The following SLC6A2 variants were observed in gnomAD, a reference collection of about 807,000 sequenced individuals.
The protein encoded by SLC6A2 is sodium-dependent noradrenaline transporter.
A neutral mutation model predicts 71.7 loss-of-function variants in SLC6A2; 26 were observed. The observed-to-expected ratio is 0.36, with a 90% CI of 0.27 to 0.50. SLC6A2 has a LOEUF of 0.50. Among genes scored for constraint, SLC6A2 ranks in the 20% least tolerant of loss-of-function variants. The pLI is 0.96. For synonymous variants in SLC6A2, 363 were observed against 337.9 expected, an observed-to-expected ratio of 1.07 and a Z score of -0.82; for missense variants, 581 against 803.9, an observed-to-expected ratio of 0.72 and a Z score of 3.35.
chr16:55,672,726 G>A (rs115719063), intron 4 of SLC6A2, among the ~76,000 whole-genome samples: 23 of 152,316 alleles, frequency 1.5e-4, no homozygotes, highest in African/African-American at 5.3e-4. Flanking sequence ...AGTTCCCATG[G>A]GGGAACATAA....
Position 55,691,974 on chromosome 16 carries a change from T to C in SLC6A2, c.840T>C (p.His280=), listed in dbSNP as rs775606212. 9 of 1,614,092 alleles carry C rather than the reference T, an allele frequency of 5.6e-6. No individual in the cohort carries two copies. Among genetic ancestry groups the C allele is most frequent in the African/African-American group, 1.3e-5 (1 of 74,942 alleles). The change falls in exon 6 of 15, where the codon CAT becomes CAC. Residue 280 remains histidine (H), a synonymous_variant. Coordinates refer to ENST00000568943, the MANE Select transcript of SLC6A2 (RefSeq NM_001172501.3). Reference sequence around the variant, plus strand: ...TCGTGCTGTTCGTGCTCCTGGTCCATGGCGTCACGCTGCCCGGAGCCTCCA... The same window carrying C: ...TCGTGCTGTTCGTGCTCCTGGTCCACGGCGTCACGCTGCCCGGAGCCTCCA... ...PYFVLFVLLV[H]GVTLPGASNG...
chr16:55,699,716 G>A, intron 12 of SLC6A2, 62 bp downstream of exon 12: 2 of 1,235,610 alleles, frequency 1.6e-6, no homozygotes, highest in Non-Finnish European at 2.4e-6. Context: ...GGATGGAGCT[G>A]GGTGAGGATA....
chr16:55,696,108 C>T (rs1965788749), intron 8 of SLC6A2, 117 bp from the exon 9 acceptor site: 3 of 750,798 alleles, frequency 4.0e-6, no homozygotes, highest in South Asian at 2.8e-5. Flanking sequence ...TATCTCTAAA[C>T]CTGTGTTCTG....
At chr16:55,665,564 C>G (rs1964726111) in intron 2 of SLC6A2, among the ~76,000 whole-genome samples, 1 of 152,156 alleles carries the variant, frequency 6.6e-6, no homozygotes, top group African/African-American at 2.4e-5. Flanking sequence ...CCTCAACAAA[C>G]TAGGTGTCAG....
At chr16:55,690,471 A>T (rs747028589) in intron 5 of SLC6A2, among the ~76,000 whole-genome samples, 1 of 152,156 alleles carries the variant, frequency 6.6e-6, no homozygotes, top group Non-Finnish European at 1.5e-5. Context: ...CTTTCCCCTT[A>T]GGGATATGGG....
rs1276344421 is a variant in SLC6A2 at position 55,704,626 on chromosome 16, T to G, written c.*2280T>G. 6.6e-6 allele frequency: 1 copy of G among 152,250 alleles called. No homozygotes were observed. Among genetic ancestry groups the G allele is most frequent in the African/African-American group, 2.4e-5 (1 of 41,458 alleles). The allele number at this position is 152,250 out of a possible 1,614,324, so 9.4% of individuals were successfully genotyped here. On this transcript the variant is annotated 3_prime_UTR_variant, in exon 15 of 15. Transcript: ENST00000568943. ...ATAGTTGGATGTGAAAAGCTGAGTC[T>G]ACTTGGTTGAAATGAGAGCAAACAG...
chr16:55,677,335 C>T (rs1338336418), intron 4 of SLC6A2, among the ~76,000 whole-genome samples: 2 of 152,172 alleles, frequency 1.3e-5, no homozygotes. Flanking sequence ...CCCCCTCATC[C>T]TCCCATAAAG....
Position 55,656,745 on chromosome 16 carries a change from G to A in SLC6A2, c.51G>A (p.Ala17=). ...NPQVQPENNG[A]DTGPEQPLRA... ...AGGTGCAGCCCGAGAACAACGGGGC[G>A]GACACGGGTCCAGAGCAGCCCCTTC... Residue 17 remains alanine (A), a synonymous_variant, in exon 2 of 15, where the codon GCG becomes GCA. Coordinates refer to ENST00000568943, the MANE Select transcript of SLC6A2 (RefSeq NM_001172501.3). The surrounding 1 kb of genome is among the most constrained non-coding windows in gnomAD (Gnocchi z 4.5). The A allele has an allele frequency of 6.2e-7, 1 of 1,613,056 alleles. No homozygotes were observed. The highest frequency in any genetic ancestry group is 8.5e-7 in the Non-Finnish European group (1 of 1,179,904).
At chr16:55,669,538 G>T (rs1238075336) in intron 2 of SLC6A2, 27 bp from the exon 3 acceptor site, 1 of 1,613,300 alleles carries the variant, frequency 6.2e-7, no homozygotes, top group Non-Finnish European at 8.5e-7. Flanking sequence ...GGTCTGTCAG[G>T]TCACACTCTG....
At chr16:55,693,085 C>G (rs993105984) in intron 6 of SLC6A2, among the ~76,000 whole-genome samples, 32 of 152,200 alleles carry the variant, frequency 2.1e-4, no homozygotes, top group African/African-American at 7.5e-4. Context: ...GCACAGGCAT[C>G]TCTGAAATCT....
intron 5 of SLC6A2, among the ~76,000 whole-genome samples, chr16:55,686,481 C>T (rs545380224): frequency 6.6e-5 from 10 of 152,200 alleles, no homozygotes; most frequent in Admixed American, 2.6e-4. Context: ...TAAAACCCAC[C>T]GTCCATATGG....
intron 4 of SLC6A2, among the ~76,000 whole-genome samples, chr16:55,676,084 T>G (rs1178971398): frequency 6.6e-6 from 1 of 152,248 alleles, no homozygotes; most frequent in African/African-American, 2.4e-5. Context: ...TGCATCCACC[T>G]GTCTCCATCC....
At chr16:55,659,986 G>A (rs925598783) in intron 2 of SLC6A2, among the ~76,000 whole-genome samples, 1 of 128,592 alleles carries the variant, frequency 7.8e-6, no homozygotes, top group Non-Finnish European at 1.8e-5. Flanking sequence ...GGTGGCTGCT[G>A]ATTTTTGTTA....
intron 5 of SLC6A2, among the ~76,000 whole-genome samples, chr16:55,690,860 C>A (rs1965595689): frequency 6.6e-6 from 1 of 152,152 alleles, no homozygotes; most frequent in African/African-American, 2.4e-5. Context: ...GCAAGGAAAC[C>A]TATATAACAC....
chr16:55,685,902 C>T (rs1965436373), intron 5 of SLC6A2, among the ~76,000 whole-genome samples: 1 of 152,168 alleles, frequency 6.6e-6, no homozygotes, highest in Non-Finnish European at 1.5e-5. Flanking sequence ...CTCCTATAGT[C>T]AGCCTCTCAT....
intron 2 of SLC6A2, among the ~76,000 whole-genome samples, chr16:55,659,237 TCCC>T (rs1964544525): frequency 6.6e-6 from 1 of 152,184 alleles, no homozygotes; most frequent in Non-Finnish European, 1.5e-5. Context: ...TAGAAGTTCT[TCCC>T]ATTGCTCTAT....
chr16:55,672,777 G>A (rs1264692935), intron 4 of SLC6A2, among the ~76,000 whole-genome samples: 1 of 152,244 alleles, frequency 6.6e-6, no homozygotes, highest in Non-Finnish European at 1.5e-5. Flanking sequence ...AAGCAGGCCA[G>A]CTGTATGCAG....
chr16:55,685,209 C>G lies in SLC6A2; in HGVS notation c.711C>G (p.Leu237=). The G allele has an allele frequency of 6.2e-7, 1 of 1,614,180 alleles. No homozygotes were observed. Among genetic ancestry groups the G allele is most frequent in the South Asian group, 1.1e-5 (1 of 91,082 alleles). The change falls in exon 5 of 15, where the codon CTC becomes CTG. Residue 237 remains leucine, a synonymous_variant. Coordinates refer to ENST00000568943, the MANE Select transcript of SLC6A2 (RefSeq NM_001172501.3). ...IHDIGLPQWQ[L]LLCLMVVVIV... Reference sequence around the variant, plus strand: ...ACATCGGCCTGCCCCAGTGGCAGCTCTTGCTCTGTCTGATGGTCGTCGTCA... The same window carrying G: ...ACATCGGCCTGCCCCAGTGGCAGCTGTTGCTCTGTCTGATGGTCGTCGTCA...
intron 2 of SLC6A2, among the ~76,000 whole-genome samples, chr16:55,658,791 G>A (rs775718112): frequency 1.3e-5 from 2 of 152,146 alleles, no homozygotes; most frequent in Admixed American, 6.5e-5. Context: ...GTGACTCTGC[G>A]GGCTCAATGT....
Sources: allele counts gnomAD v4.1 joint callset (sites outside exome capture counted in the v4.1 genomes callset), GRCh38; gene constraint gnomAD v4.1.1; non-coding constraint Gnocchi (gnomAD v3.1); transcripts MANE v1.5; gene names NCBI Gene and HGNC (gene_info 2026-07-23, HGNC 2026-07-21).